The following NIPBL variants were observed in gnomAD, a reference collection of about 807,000 sequenced individuals.
The protein encoded by NIPBL is NIPBL cohesin loading factor.
A neutral mutation model predicts 321.8 loss-of-function variants in NIPBL; 19 were observed. The observed-to-expected ratio is 0.06, with a 90% CI of 0.04 to 0.09. The LOEUF is 0.09. Ranked by LOEUF, NIPBL falls within the 10% of genes least tolerant of loss-of-function variation. The pLI, the probability that NIPBL is intolerant of heterozygous loss-of-function variation, is 1.00. For missense variants in NIPBL, 2,210 were observed against 3,327.0 expected, an observed-to-expected ratio of 0.66 and a Z score of 8.26; for synonymous variants, 1,106 against 1,114.1, an observed-to-expected ratio of 0.99 and a Z score of 0.14.
intron 1 of NIPBL, among the ~76,000 whole-genome samples, chr5:36,919,102 A>G (rs1748713966): frequency 1.3e-5 from 2 of 152,068 alleles, no homozygotes; most frequent in Non-Finnish European, 2.9e-5. Context: ...AAGGAATGGT[A>G]CCAGCTCCTC....
At chr5:37,022,995 G>A (rs1749824722) in intron 29 of NIPBL, among the ~76,000 whole-genome samples, 1 of 152,154 alleles carries the variant, frequency 6.6e-6, no homozygotes, top group Non-Finnish European at 1.5e-5. Flanking sequence ...AATATCTGTG[G>A]AATCTCCACA....
chr5:37,057,858 G>A (rs561817412), intron 43 of NIPBL, among the ~76,000 whole-genome samples: 2 of 152,182 alleles, frequency 1.3e-5, no homozygotes, highest in African/African-American at 4.8e-5. Context: ...TAGGAGGAAT[G>A]TAATTTATTT....
Position 36,955,832 on chromosome 5 carries a change from A to T in NIPBL, c.230+195A>T, listed in dbSNP as rs73750911. On this transcript the variant is annotated intron_variant, in intron 3 of 46. Coordinates refer to ENST00000282516, the MANE Select transcript of NIPBL (RefSeq NM_133433.4). ...TTAAGTAGGCAATATTTATTTTTAG[A>T]TAATAATTCTGACCCATGTAGCTCT... Among the ~76,000 whole-genome samples the T allele has an allele frequency of 2.2e-3, 331 of 152,250 alleles. 3 individuals carry two copies. Among genetic ancestry groups the T allele is most frequent in the African/African-American group, 7.7e-3 (318 of 41,542 alleles).
In NIPBL at chr5:37,054,195, CA is replaced by C. The variant is rs1200216062; in HGVS notation, c.7263+1648del. On this transcript the variant is annotated intron_variant, in intron 42 of 46. Transcript: ENST00000282516. ...TGGCCGACAGAGCGAGACTCCGTCT[CA>C]AAAAAAAAAAAAAAAAAAGAACAAA... Among the ~76,000 whole-genome samples the C allele has an allele frequency of 6.3e-3, 361 of 57,576 alleles. 1 individual carries two copies. Among genetic ancestry groups the C allele is most frequent in the Middle Eastern group, 0.01 (1 of 96 alleles). The allele number at this position is 57,576 out of a possible 152,430, so 37.8% of individuals were successfully genotyped here.
chr5:37,024,304 G>A (rs1254193121), intron 29 of NIPBL, among the ~76,000 whole-genome samples: 4 of 152,222 alleles, frequency 2.6e-5, no homozygotes, highest in Admixed American at 6.5e-5. Context: ...GCTTATGTTT[G>A]TTTTCTCATT....
At chr5:36,971,267 TA>T (rs11464185) in intron 7 of NIPBL, among the ~76,000 whole-genome samples, 367 of 146,460 alleles carry the variant, frequency 2.5e-3, no homozygotes, top group Middle Eastern at 6.9e-3. Flanking sequence ...AAGAGTTATT[TA>T]AAAAAAAAAA....
intron 1 of NIPBL, among the ~76,000 whole-genome samples, chr5:36,879,446 T>C (rs1180787935): frequency 6.6e-6 from 1 of 152,248 alleles, no homozygotes; most frequent in East Asian, 1.9e-4. Context: ...AAAATATGTT[T>C]TGTTTGGTCC....
intron 16 of NIPBL, among the ~76,000 whole-genome samples, chr5:37,004,399 C>T (rs1344951842): frequency 2.7e-5 from 4 of 145,480 alleles, no homozygotes; most frequent in South Asian, 2.2e-4. Context: ...CTTTCTCTCC[C>T]TTTTTTTTTT....
intron 1 of NIPBL, among the ~76,000 whole-genome samples, chr5:36,946,542 CAGTG>C (rs1460375564): frequency 2.6e-5 from 4 of 151,428 alleles, no homozygotes; most frequent in East Asian, 1.9e-4. Context: ...TGCTCAAAAA[CAGTG>C]TGTGTGTGTG....
At chr5:36,936,822 G>A (rs530211791) in intron 1 of NIPBL, among the ~76,000 whole-genome samples, 50 of 151,748 alleles carry the variant, frequency 3.3e-4, no homozygotes, top group African/African-American at 1.1e-3. Flanking sequence ...TTAACTCATT[G>A]GATTATATTG....
At chr5:36,962,762 CAATAT>C (rs1274080110) in intron 6 of NIPBL, among the ~76,000 whole-genome samples, 8 of 152,074 alleles carry the variant, frequency 5.3e-5, no homozygotes, top group Admixed American at 5.2e-4. Flanking sequence ...ATTACATAAA[CAATAT>C]AGTATAGCAA....
intron 32 of NIPBL, among the ~76,000 whole-genome samples, chr5:37,032,438 T>TGTGTGTGG (rs55748684): frequency 2.0e-5 from 2 of 98,222 alleles, no homozygotes; most frequent in African/African-American, 3.8e-5. Flanking sequence ...TGTGTGTGTG[T>TGTGTGTGG]AGTGTGTGTG....
chr5:36,926,276 A>G (rs1749354084), intron 1 of NIPBL, among the ~76,000 whole-genome samples: 1 of 152,200 alleles, frequency 6.6e-6, no homozygotes, highest in Non-Finnish European at 1.5e-5. Context: ...AATAACAGCC[A>G]TTTTCCTATG....
At chr5:37,002,993 C>T (rs1580443309) in intron 15 of NIPBL, among the ~76,000 whole-genome samples, 1 of 149,844 alleles carries the variant, frequency 6.7e-6, no homozygotes, top group Admixed American at 6.6e-5. Context: ...GAGGCATGGA[C>T]TTTAATTTTT....
intron 1 of NIPBL, among the ~76,000 whole-genome samples, chr5:36,903,801 A>C (rs1035164767): frequency 1.3e-5 from 2 of 152,170 alleles, no homozygotes; most frequent in Admixed American, 6.5e-5. Flanking sequence ...ATTTGAGGAG[A>C]TACTACACCA....
intron 22 of NIPBL, 122 bp downstream of exon 22, chr5:37,014,887 C>A: frequency 1.5e-6 from 1 of 677,870 alleles, no homozygotes; most frequent in South Asian, 1.7e-5. Flanking sequence ...CTTCCTGACA[C>A]TTGGTTTCTT....
intron 1 of NIPBL, among the ~76,000 whole-genome samples, chr5:36,897,912 A>C (rs1010800954): frequency 6.6e-6 from 1 of 150,748 alleles, no homozygotes; most frequent in Middle Eastern, 3.4e-3. Flanking sequence ...AAAAGCAAGG[A>C]GGGAAGAAAC....
At position 36,961,022 on chromosome 5, in the gene NIPBL, T is replaced by C. The variant is rs184890344; in HGVS notation, c.359-462T>C. Among the ~76,000 whole-genome samples, 315 of 152,248 alleles carry C rather than the reference T, an allele frequency of 2.1e-3. 2 individuals carry two copies. The East Asian group carries it at 0.036, about 18-fold the overall frequency. On this transcript the variant is annotated intron_variant, in intron 4 of 46. Transcript: ENST00000282516. The stretch of plus-strand genomic sequence containing the variant: ...CTTTCGGCCCATAAATAAAGTACTT[T>C]TCAAAACCTGTGTCTGAACCATGAT...
intron 21 of NIPBL, among the ~76,000 whole-genome samples, chr5:37,013,053 C>CT (rs1748376116): frequency 6.6e-6 from 1 of 150,954 alleles, no homozygotes; most frequent in African/African-American, 2.4e-5. Context: ...GACCCCCCCC[C>CT]ACCTCCCTCC....
Sources: gnomAD v4.1 joint callset for allele counts (sites outside exome capture counted in the v4.1 genomes callset) on GRCh38, gnomAD v4.1.1 for gene constraint, MANE v1.5 for transcripts, NCBI Gene and HGNC (gene_info 2026-07-23, HGNC 2026-07-21) for gene names.